The following STAB1 variants were observed in gnomAD, a reference collection of about 807,000 sequenced individuals.
STAB1 encodes the protein stabilin-1.
A neutral mutation model predicts 332.4 loss-of-function variants in STAB1; 250 were observed. The ratio of observed to expected loss-of-function variants is 0.75; its 90% CI spans 0.68 to 0.84. The LOEUF (loss-of-function observed/expected upper bound fraction) is 0.84. Among genes scored for constraint, STAB1 ranks in the 40% least tolerant of loss-of-function variants. The pLI is 0.00. For synonymous variants in STAB1, 1,475 were observed against 1,390.4 expected (o/e 1.06, Z -1.35); for missense variants, 3,249 against 3,489.7 (o/e 0.93, Z 1.74).
chr3:52,510,114 T>C (rs747467774), intron 23 of STAB1, 28 bp from the exon 24 acceptor site: 4 of 1,613,702 alleles, frequency 2.5e-6, no homozygotes, highest in African/African-American at 1.3e-5. Context: ...TGAGGCTCAC[T>C]GGAGCCCCCT....
At chr3:52,517,469 G>A (rs900327611) in intron 43 of STAB1, 76 bp downstream of exon 43, 30 of 1,586,140 alleles carry the variant, frequency 1.9e-5, no homozygotes, top group Admixed American at 1.2e-4. Flanking sequence ...GGGCAGGCCC[G>A]GGGAGGGGGG....
At chr3:52,504,969 A>G (rs1388185714) in intron 12 of STAB1, 34 bp from the exon 13 acceptor site, 5 of 1,612,922 alleles carry the variant, frequency 3.1e-6, no homozygotes, top group Non-Finnish European at 4.2e-6. Flanking sequence ...GGGCTGGCAT[A>G]TGGGATCTGG....
rs1180904989 is a variant in STAB1 at position 52,514,439 on chromosome 3, C to T, written c.3621C>T (p.His1207=). The T allele has an allele frequency of 1.7e-5, 27 of 1,556,510 alleles. No individual in the cohort carries two copies. In the East Asian group the frequency reaches 4.7e-4, roughly 27 times the overall value. Residue 1207 remains histidine, a synonymous_variant, in exon 34 of 69, where the codon CAC becomes CAT. Transcript: ENST00000321725. ...TGGAAACCCTGCGGAAGGGTGGACA[C>T]CGCAACTCCCTCCTGGGCCCTGCCC... The part of the protein sequence containing the change: ...LSMETLRKGG[H]RNSLLGPAHW...
At chr3:52,518,119 AGCCTGACCCCTGATTGTACCTGG>A in intron 45 of STAB1, 116 bp downstream of exon 45, 3 of 1,513,096 alleles carry the variant, frequency 2.0e-6, no homozygotes, top group South Asian at 1.3e-5. Context: ...CATGACACTG[AGCCTGACCCCTGATTGTACCTGG>A]GCCTGACCCC....
At chr3:52,519,728 C>A in intron 50 of STAB1, 164 bp downstream of exon 50, 7 of 1,209,834 alleles carry the variant, frequency 5.8e-6, no homozygotes, top group Non-Finnish European at 8.1e-6. Flanking sequence ...TGCATGTGCA[C>A]CCCAGGTTGA....
intron 13 of STAB1, 80 bp from the exon 14 acceptor site, chr3:52,505,239 G>A: frequency 6.2e-7 from 1 of 1,607,076 alleles, no homozygotes; most frequent in Non-Finnish European, 8.5e-7. Flanking sequence ...TCTACTCAGG[G>A]CTGGAGCGCA....
At chr3:52,505,986 C>A in intron 16 of STAB1, 50 bp downstream of exon 16, 2 of 1,608,234 alleles carry the variant, frequency 1.2e-6, no homozygotes, top group Non-Finnish European at 1.7e-6. Context: ...GGTGGGCCTG[C>A]CTGCAGGTTC....
At chr3:52,518,473 C>A in intron 46 of STAB1, 63 bp from the exon 47 acceptor site, 1 of 1,561,952 alleles carries the variant, frequency 6.4e-7, no homozygotes, top group Non-Finnish European at 8.7e-7. Context: ...AGGTCTTCCC[C>A]AGGAGATCCA....
chr3:52,505,769 C>A lies in STAB1; in HGVS notation c.1683C>A (p.Tyr561Ter). The A allele has an allele frequency of 6.2e-7, 1 of 1,613,886 alleles. No homozygotes were observed. The highest frequency in any genetic ancestry group is 1.1e-5 in the South Asian group (1 of 91,090). ...VDSLRDGRLI[Y>*]LFTAGLSKLQ... The stretch of plus-strand genomic sequence containing the variant: ...GCTTGCGTGACGGCCGCCTGATCTA[C>A]CTCTTCACAGCGGTAAGCTCAGCGG... Residue 561 changes from tyrosine (Y) to a stop codon, truncating the protein, a stop_gained, in exon 15 of 69, where the codon TAC becomes TAA. Transcript: ENST00000321725. LOFTEE classifies it high-confidence loss of function.
chr3:52,519,755 ATG>A, intron 50 of STAB1, 187 bp from the exon 51 acceptor site: 1 of 1,122,728 alleles, frequency 8.9e-7, no homozygotes, highest in Non-Finnish European at 1.3e-6. Flanking sequence ...GGGTGTGCTT[ATG>A]TGTGCCCACA....
At chr3:52,523,169 T>C (rs772050492) in intron 63 of STAB1, 35 bp downstream of exon 63, 2 of 1,611,344 alleles carry the variant, frequency 1.2e-6, no homozygotes, top group Non-Finnish European at 1.7e-6. Context: ...CGGGGGGTGC[T>C]GGGATCCCCG....
At position 52,520,080 on chromosome 3, in the gene STAB1, T is replaced by C. The variant is rs373344216; in HGVS notation, c.5372T>C (p.Leu1791Pro). The C allele has an allele frequency of 1.2e-6, 2 of 1,611,222 alleles. No individual in the cohort carries two copies. Among genetic ancestry groups the C allele is most frequent in the South Asian group, 1.1e-5 (1 of 91,024 alleles). ...WLYHEDHRDKLAAILRGHMIR... is the reference protein window; with the variant it reads ...WLYHEDHRDKPAAILRGHMIR... ...TACCATGAGGACCACCGTGACAAGCTAGCAGCCATTCTGCGGGGCCACATG... is the reference window on the plus strand; with the variant it reads ...TACCATGAGGACCACCGTGACAAGCCAGCAGCCATTCTGCGGGGCCACATG... The change falls in exon 51 of 69, where the codon CTA (leucine) becomes CCA (proline). Residue 1791 changes from leucine (L) to proline (P), a missense_variant. Physicochemically the swap from Leu to Pro is moderately conservative, Grantham distance 98 (BLOSUM62 -3). Coordinates refer to ENST00000321725, the MANE Select transcript of STAB1 (RefSeq NM_015136.3).
chr3:52,523,661 A>G lies in STAB1; in HGVS notation c.7300A>G (p.Thr2434Ala). Residue 2434 changes from threonine (T) to alanine (A), a missense_variant, in exon 66 of 69, where the codon ACA becomes GCA. Coordinates refer to ENST00000321725, the MANE Select transcript of STAB1 (RefSeq NM_015136.3). ...TCTGGTCTCCCTGCAGGCCCCAGGG[A>G]CAGTTGTGGTTAGCCGTATCATTGT... ...NSSWAPVAPG[T>A]VVVSRIIVWD... The G allele has an allele frequency of 6.2e-7, 1 of 1,612,840 alleles. No individual in the cohort carries two copies. The highest frequency in any genetic ancestry group is 8.5e-7 in the Non-Finnish European group (1 of 1,179,970).
Position 52,517,398 on chromosome 3 carries a change from G to A in STAB1, c.4563+5G>A. 2 of 1,599,328 alleles carry A rather than the reference G, an allele frequency of 1.3e-6. No individual in the cohort carries two copies. The highest frequency in any genetic ancestry group is 8.5e-7 in the Non-Finnish European group (1 of 1,173,546). The stretch of plus-strand genomic sequence containing the variant: ...ATCCCCACTGGCCCCCAGCAGGTCA[G>A]CATGGCAGGGTTGGACATGGGGCAT... On this transcript the variant is annotated splice_donor_5th_base_variant and intron_variant, in intron 43 of 68. Coordinates refer to ENST00000321725, the MANE Select transcript of STAB1 (RefSeq NM_015136.3).
At chr3:52,515,615 G>T (rs775305049) in intron 37 of STAB1, 109 bp downstream of exon 37, 27 of 1,184,872 alleles carry the variant, frequency 2.3e-5, no homozygotes, top group Non-Finnish European at 2.9e-5. Flanking sequence ...GACTGGGCTG[G>T]GACTAGGGTG....
At position 52,523,109 on chromosome 3, in the gene STAB1, C is replaced by G. The variant is rs2079132631; in HGVS notation, c.6995C>G (p.Thr2332Ser). 1 of 1,579,168 alleles carries G rather than the reference C, an allele frequency of 6.3e-7. No homozygotes were observed. The highest frequency in any genetic ancestry group is 8.6e-7 in the Non-Finnish European group (1 of 1,161,278). The change falls in exon 63 of 69, where the codon ACT becomes AGT. Residue 2332 changes from threonine to serine, a missense_variant. Thr to Ser is a moderately conservative substitution (Grantham distance 58). Coordinates refer to ENST00000321725, the MANE Select transcript of STAB1 (RefSeq NM_015136.3). ...AAGCTGCTGGATGTGCTGGCTGCCA[C>G]TGCCAACTTCTCCACCTTCTATGGG... is the stretch of plus-strand genomic sequence containing the variant. ...NGKLLDVLAA[T>S]ANFSTFYGML... is the part of the protein sequence containing the mutation.
At position 52,516,248 on chromosome 3, in the gene STAB1, G is replaced by A; in HGVS notation, c.4144+10G>A. ...CCCAACTGCACCGGAGGTGAGGACT[G>A]GGGAGGGGCGGGGGTGGGCCTCCTG... On this transcript the variant is annotated intron_variant, in intron 38 of 68. Transcript: ENST00000321725. 1.2e-6 allele frequency: 2 copies of A among 1,610,438 alleles called. No homozygotes were observed. Among genetic ancestry groups the A allele is most frequent in the Middle Eastern group, 1.7e-4 (1 of 6,026 alleles).
rs2078881190 is a variant in STAB1 at position 52,516,774 on chromosome 3, G to T, written c.4363+6G>T. The stretch of plus-strand genomic sequence containing the variant: ...CAATGGCATCTTCTGTTCAGGTCCA[G>T]CCACACGGATGCCCAGGGCCCTCCC... On this transcript the variant is annotated splice_donor_region_variant and intron_variant, in intron 41 of 68. Transcript: ENST00000321725. 6.2e-7 allele frequency: 1 copy of T among 1,606,516 alleles called. No homozygotes were observed. The highest frequency in any genetic ancestry group is 1.1e-5 in the South Asian group (1 of 90,274).
At chr3:52,518,900 A>ATCCCGCCCCGCCCCGCCCCGCCCCG in intron 48 of STAB1, 31 bp downstream of exon 48, 1 of 975,296 alleles carries the variant, frequency 1.0e-6, no homozygotes, top group Non-Finnish European at 1.4e-6. Flanking sequence ...GCCCCGCTCC[A>ATCCCGCCCCGCCCCGCCCCGCCCCG]TCCCGCCCCG....
Sources: gnomAD v4.1 joint callset for allele counts on GRCh38, gnomAD v4.1.1 for gene constraint, MANE v1.5 for transcripts, NCBI Gene and HGNC (gene_info 2026-07-23, HGNC 2026-07-21) for gene names.